ZBTB10: variants seen among roughly 807,000 people sequenced by gnomAD.
ZBTB10 encodes zinc finger and BTB domain containing 10.
In ZBTB10, 32 loss-of-function variants were observed where a neutral mutation model predicts 76.4. The observed-to-expected ratio is 0.42, with a 90% confidence interval of 0.32 to 0.56. The LOEUF (loss-of-function observed/expected upper bound fraction) is 0.56, where lower values mean the gene tolerates loss of function less well. Among genes scored for constraint, ZBTB10 ranks in the 20% least tolerant of loss-of-function variants. ZBTB10 has a pLI of 0.14. For missense variants in ZBTB10, 1,057 were observed against 1,098.5 expected, an observed-to-expected ratio of 0.96 and a Z score of 0.53; for synonymous variants, 523 against 432.9, an observed-to-expected ratio of 1.21 and a Z score of -2.58.
chr8:80,505,769 C>T (rs1816033540), intron 2 of ZBTB10, among the ~76,000 whole-genome samples: 1 of 152,050 alleles, frequency 6.6e-6, no homozygotes, highest in East Asian at 1.9e-4. Context: ...CTTGCTCTGT[C>T]ACCCAGGCGG....
intron 2 of ZBTB10, among the ~76,000 whole-genome samples, chr8:80,501,163 G>T (rs567092835): frequency 1.3e-5 from 2 of 152,296 alleles, no homozygotes; most frequent in East Asian, 3.9e-4. Flanking sequence ...ACCACACCTG[G>T]CCTAGAGCAG....
upstream of ZBTB10, chr8:80,485,785 T>C (rs576024874): frequency 1.3e-6 from 2 of 1,534,770 alleles, no homozygotes; most frequent in African/African-American, 2.7e-5. Flanking sequence ...CCTCAGCAAA[T>C]GACAAGGCTG....
chr8:80,487,538 T>G lies in ZBTB10; in HGVS notation c.728T>G (p.Met243Arg). ...HFPLARPKSLMQKLQCSFQTS... is the reference protein window; with the variant it reads ...HFPLARPKSLRQKLQCSFQTS... The stretch of plus-strand genomic sequence containing the variant: ...CCGCTCGCGCGGCCCAAGTCTCTAA[T>G]GCAGAAGCTCCAATGCTCCTTCCAG... The change falls in exon 1 of 6, where the codon ATG becomes AGG. Residue 243 changes from methionine to arginine, a missense_variant. Around this residue, in one of 5 missense-constraint regions of ZBTB10, gnomAD observed 556 missense variants for 451.7 expected, o/e 1.23. Coordinates refer to ENST00000455036, the MANE Select transcript of ZBTB10 (RefSeq NM_001105539.3). The G allele has an allele frequency of 6.3e-7, 1 of 1,590,180 alleles. No individual in the cohort carries two copies. The highest frequency in any genetic ancestry group is 8.6e-7 in the Non-Finnish European group (1 of 1,168,186).
In ZBTB10 at chr8:80,486,841, C is replaced by T. The variant is rs1191358843; in HGVS notation, c.31C>T (p.Leu11=). 4 of 1,505,324 alleles carry T rather than the reference C, an allele frequency of 2.7e-6. No individual in the cohort carries two copies. Among genetic ancestry groups the T allele is most frequent in the Non-Finnish European group, 3.5e-6 (4 of 1,129,180 alleles). The allele number at this position is 1,505,324 out of a possible 1,614,324, so 93.2% of individuals were successfully genotyped here. ...GTTCAGTGAAATGAACCGCAGGACG[C>T]TGGCGTTCCGAGGAGGCGGGTTGGT... The part of the protein sequence containing the change: MSFSEMNRRT[L]AFRGGGLVTA... Residue 11 remains leucine, a synonymous_variant, in exon 1 of 6, where the codon CTG becomes TTG. Coordinates refer to ENST00000455036, the MANE Select transcript of ZBTB10 (RefSeq NM_001105539.3).
At position 80,522,764 on chromosome 8, in the gene ZBTB10, GA is replaced by G. The variant is rs927313376; in HGVS notation, c.*3241del. The G allele has an allele frequency of 1.3e-5, 2 of 151,492 alleles. No individual in the cohort carries two copies. Among genetic ancestry groups the G allele is most frequent in the African/African-American group, 4.8e-5 (2 of 41,286 alleles). The allele number at this position is 151,492 out of a possible 1,614,324, so 9.4% of individuals were successfully genotyped here. A position where few individuals can be genotyped will look rare whatever the true frequency, so the allele number is the denominator to read the frequency against. ...TTTAATAATAGATAAGAACCAAGAG[GA>G]AAAAGAAATAAGAAAAGATGGGGGA... On this transcript the variant is annotated 3_prime_UTR_variant, in exon 6 of 6. Coordinates refer to ENST00000455036, the MANE Select transcript of ZBTB10 (RefSeq NM_001105539.3).
upstream of ZBTB10, chr8:80,486,002 C>T: frequency 8.7e-7 from 1 of 1,143,320 alleles, no homozygotes; most frequent in Non-Finnish European, 1.2e-6. Flanking sequence ...AGCCCGCCGC[C>T]CGGCCTTTTG....
In ZBTB10 at chr8:80,504,035, C is replaced by A. The variant is rs150554989; in HGVS notation, c.1861+3653C>A. 2.9e-3 allele frequency among the ~76,000 whole-genome samples: 444 copies of A among 152,270 alleles called. 2 individuals carry two copies. Among genetic ancestry groups the A allele is most frequent in the African/African-American group, 0.01 (419 of 41,548 alleles). On this transcript the variant is annotated intron_variant, in intron 2 of 5. Transcript: ENST00000455036. ...ACGTTAAGGCCTTCCCAAGGTCATT[C>A]AGCTAGTAAGAGTAGAAAGAGGCAG...
rs115938117 is a variant in ZBTB10 at position 80,521,028 on chromosome 8, T to C, written c.*1500T>C. 1.3e-5 allele frequency: 2 copies of C among 152,072 alleles called. No homozygotes were observed. The highest frequency in any genetic ancestry group is 4.8e-5 in the African/African-American group (2 of 41,566). 9.4% of individuals were successfully genotyped at this position (152,072 alleles called of 1,614,324 possible). The stretch of plus-strand genomic sequence containing the variant: ...ATATCAGGTAACTAAATTATGCTAG[T>C]TATGTGGAAAAAATTGCAAAGATGC... On this transcript the variant is annotated 3_prime_UTR_variant, in exon 6 of 6. Transcript: ENST00000455036.
At chr8:80,488,103 G>T (rs1230552728) in intron 1 of ZBTB10, among the ~76,000 whole-genome samples, 1 of 152,152 alleles carries the variant, frequency 6.6e-6, no homozygotes, top group Non-Finnish European at 1.5e-5. Flanking sequence ...AACCTAAAAG[G>T]CTGACTTTGC....
intron 2 of ZBTB10, among the ~76,000 whole-genome samples, chr8:80,511,350 T>C (rs992701787): frequency 6.6e-6 from 1 of 152,244 alleles, no homozygotes; most frequent in African/African-American, 2.4e-5. Flanking sequence ...TGTAGAATTT[T>C]GCATAAATAG....
In ZBTB10 at chr8:80,486,824, A is replaced by T; in HGVS notation, c.14A>T (p.Glu5Val). The T allele has an allele frequency of 6.7e-7, 1 of 1,482,298 alleles. No individual in the cohort carries two copies. The highest frequency in any genetic ancestry group is 8.9e-7 in the Non-Finnish European group (1 of 1,119,462). 91.8% of individuals were successfully genotyped at this position (1,482,298 alleles called of 1,614,324 possible). The stretch of plus-strand genomic sequence containing the variant: ...GCGGCGCGCGCCATGTCGTTCAGTG[A>T]AATGAACCGCAGGACGCTGGCGTTC... The part of the protein sequence containing the change: MSFS[E>V]MNRRTLAFRG... The change falls in exon 1 of 6, where the codon GAA (glutamate) becomes GTA (valine). Residue 5 changes from glutamate (E) to valine (V), a missense_variant. Transcript: ENST00000455036.
At chr8:80,507,606 T>A (rs1816092534) in intron 2 of ZBTB10, among the ~76,000 whole-genome samples, 1 of 150,712 alleles carries the variant, frequency 6.6e-6, no homozygotes, top group Non-Finnish European at 1.5e-5. Context: ...AGAGCCAGAC[T>A]CCATCTCAAA....
At chr8:80,502,214 A>ATATGCTT (rs1054462736) in intron 2 of ZBTB10, among the ~76,000 whole-genome samples, 2 of 152,096 alleles carry the variant, frequency 1.3e-5, no homozygotes, top group African/African-American at 4.8e-5. Context: ...TGGTGGTCTA[A>ATATGCTT]TATGCTTTAT....
intron 1 of ZBTB10, among the ~76,000 whole-genome samples, chr8:80,496,000 C>A (rs1054200383): frequency 2.0e-5 from 3 of 152,050 alleles, no homozygotes; most frequent in African/African-American, 7.2e-5. Context: ...TTGTGTTTTC[C>A]TTTTTGGGAG....
At chr8:80,516,396 A>G (rs1816326887) in intron 3 of ZBTB10, among the ~76,000 whole-genome samples, 1 of 152,258 alleles carries the variant, frequency 6.6e-6, no homozygotes, top group Non-Finnish European at 1.5e-5. Flanking sequence ...TAAACAATAG[A>G]AAAACCAAGG....
Position 80,487,456 on chromosome 8 carries a change from G to A in ZBTB10, c.646G>A (p.Asp216Asn). The A allele has an allele frequency of 1.3e-6, 2 of 1,547,478 alleles. No homozygotes were observed. Among genetic ancestry groups the A allele is most frequent in the East Asian group, 2.5e-5 (1 of 40,758 alleles). Residue 216 changes from aspartate (D) to asparagine (N), a missense_variant, in exon 1 of 6, where the codon GAC becomes AAC. Asp to Asn is a conservative substitution (Grantham distance 23, BLOSUM62 1). Transcript: ENST00000455036. ...SSRRSGGDGG[D>N]EVEGSGVGAG... is the part of the protein sequence containing the mutation. ...CAGGCGGTCGGGCGGCGATGGCGGG[G>A]ACGAAGTGGAGGGCAGCGGTGTGGG...
intron 2 of ZBTB10, among the ~76,000 whole-genome samples, chr8:80,511,678 T>G (rs1371554349): frequency 6.6e-6 from 1 of 152,190 alleles, no homozygotes; most frequent in Non-Finnish European, 1.5e-5. Flanking sequence ...CATTTAACTT[T>G]AAGAAAACAA....
rs1018623395 is a variant in ZBTB10, at chr8:80,521,545, T to C, written c.*2017T>C. ...AAATATATATTAAAGAACAAAGATA[T>C]ATATCTAAAAATCACCTAAATCTGC... On this transcript the variant is annotated 3_prime_UTR_variant, in exon 6 of 6. Transcript: ENST00000455036. The C allele has an allele frequency of 6.6e-6, 1 of 151,762 alleles. No individual in the cohort carries two copies. Among genetic ancestry groups the C allele is most frequent in the Non-Finnish European group, 1.5e-5 (1 of 67,744 alleles). 9.4% of individuals were successfully genotyped at this position (151,762 alleles called of 1,614,324 possible).
At chr8:80,509,272 AAT>A (rs1244761978) in intron 2 of ZBTB10, among the ~76,000 whole-genome samples, 1 of 152,230 alleles carries the variant, frequency 6.6e-6, no homozygotes, top group Admixed American at 6.5e-5. Context: ...AACTTGTGCT[AAT>A]ATGTGTTTAT....
Sources: allele counts gnomAD v4.1 joint callset (sites outside exome capture counted in the v4.1 genomes callset), GRCh38; gene constraint gnomAD v4.1.1; regional missense constraint gnomAD v4.1.1; transcripts MANE v1.5; gene names NCBI Gene and HGNC (gene_info 2026-07-23, HGNC 2026-07-21).